Variants in NOL6 observed in about 807,000 individuals in gnomAD.
NOL6 encodes the protein nucleolar protein 6, also known as nucleolar RNA-associated protein.
NOL6 carries 33 observed loss-of-function variants against 131.7 expected under a neutral mutation model. The observed-to-expected ratio is 0.25, with a 90% CI of 0.19 to 0.33. The LOEUF is 0.33. Ranked by LOEUF, NOL6 falls within the 10% of genes least tolerant of loss-of-function variation. The pLI is 1.00. For synonymous variants in NOL6, 580 were observed against 605.7 expected, an observed-to-expected ratio of 0.96 and a Z score of 0.62; for missense variants, 1,297 against 1,494.5, an observed-to-expected ratio of 0.87 and a Z score of 2.18.
rs750370057 is a variant in NOL6, at chr9:33,462,731, T to C, written c.3374A>G (p.Asp1125Gly). ...MVPNVEAILE[D>G]FAVLGEGLVQ... The stretch of plus-strand genomic sequence containing the variant: ...CAGGCCTTCACCCAGCACAGCAAAG[T>C]CCTCCAGGATTGCTTCAACATTGGG... The change falls in exon 26 of 26, where the codon GAC becomes GGC. Residue 1125 changes from aspartate to glycine, a missense_variant. By Grantham distance (94) the Asp-to-Gly change is moderately conservative. Coordinates refer to ENST00000297990, the MANE Select transcript of NOL6 (RefSeq NM_022917.5). 10 of 1,613,916 alleles carry C rather than the reference T, an allele frequency of 6.2e-6. No individual in the cohort carries two copies. The highest frequency in any genetic ancestry group is 1.6e-4 in the Middle Eastern group (1 of 6,062).
chr9:33,471,262 TCAAAAA>T (rs754150050), intron 3 of NOL6, among the ~76,000 whole-genome samples: 8 of 152,224 alleles, frequency 5.3e-5, no homozygotes, highest in African/African-American at 1.4e-4. Context: ...AGACTTCGTC[TCAAAAA>T]CAAAAACAAA....
rs753675613 is a variant in NOL6, at chr9:33,468,214, CT to C, written c.1309-70del. 9.3e-6 allele frequency: 15 copies of C among 1,611,310 alleles called. No homozygotes were observed. In the South Asian group the frequency reaches 1.7e-4, roughly 18 times the overall value. ...AAGGGCTTAGACCAGGAGACATGCC[CT>C]AAACTTAACTCTTTGAAGAGGAGTT... is the stretch of plus-strand genomic sequence containing the variant. On this transcript the variant is annotated intron_variant, in intron 10 of 25. Coordinates refer to ENST00000297990, the MANE Select transcript of NOL6 (RefSeq NM_022917.5).
At chr9:33,463,006 G>A (rs760876062) in intron 25 of NOL6, 27 bp downstream of exon 25, 6 of 1,601,480 alleles carry the variant, frequency 3.7e-6, no homozygotes, top group African/African-American at 2.7e-5. Context: ...ACACACTCAG[G>A]AACACAGCTG....
At chr9:33,463,208 A>C (rs1827144668) in intron 24 of NOL6, 39 bp downstream of exon 24, 1 of 1,609,366 alleles carries the variant, frequency 6.2e-7, no homozygotes, top group Non-Finnish European at 8.5e-7. Flanking sequence ...CTTCACCTGG[A>C]AGTCCCCTCC....
In NOL6 at chr9:33,465,897, C is replaced by A. The variant is rs202071111; in HGVS notation, c.2365G>T (p.Asp789Tyr). The part of the protein sequence containing the change: ...ATATHTDVLK[D>Y]GFVFRIRVAY... ...ACGCGAATCCGAAACACAAATCCAT[C>A]CTGTTGGAAGAAGGTATGGAAAGAG... is the stretch of plus-strand genomic sequence containing the variant. The change falls in exon 19 of 26, where the codon GAT becomes TAT. Residue 789 changes from aspartate (D) to tyrosine (Y), a missense_variant and splice_region_variant. Transcript: ENST00000297990. 4.3e-5 allele frequency: 70 copies of A among 1,613,324 alleles called. No individual in the cohort carries two copies. Among genetic ancestry groups the A allele is most frequent in the Middle Eastern group, 3.3e-4 (2 of 6,056 alleles).
At position 33,465,844 on chromosome 9, in the gene NOL6, C is replaced by T; in HGVS notation, c.2418G>A (p.Leu806=). The part of the protein sequence containing the change: ...RVAYQREPQI[L]KEVQSPEGMI... ...TCCCCTCTGGGCTCTGCACCTCCTT[C>T]AGGATCTGGGGCTCCCGCTGATAGG... is the stretch of plus-strand genomic sequence containing the variant. Residue 806 remains leucine, a synonymous_variant, in exon 19 of 26, where the codon CTG becomes CTA. Coordinates refer to ENST00000297990, the MANE Select transcript of NOL6 (RefSeq NM_022917.5). 1.2e-6 allele frequency: 2 copies of T among 1,614,150 alleles called. No individual in the cohort carries two copies. Among genetic ancestry groups the T allele is most frequent in the Non-Finnish European group, 1.7e-6 (2 of 1,180,008 alleles).
In NOL6 at chr9:33,469,581, G is replaced by A; in HGVS notation, c.645C>T (p.Ala215=). 1 of 1,610,836 alleles carries A rather than the reference G, an allele frequency of 6.2e-7. No individual in the cohort carries two copies. The change falls in exon 5 of 26, where the codon GCC becomes GCT. Residue 215 remains alanine (A), a synonymous_variant. Coordinates refer to ENST00000297990, the MANE Select transcript of NOL6 (RefSeq NM_022917.5). Reference sequence around the variant, plus strand: ...AAACACTGCCAAAGAGGGGGTCCTGGGCCAGGTGGTGAGCCAAGTGGGCCA... The same window carrying A: ...AAACACTGCCAAAGAGGGGGTCCTGAGCCAGGTGGTGAGCCAAGTGGGCCA... The part of the protein sequence containing the change: ...LYLAHLAHHL[A]QDPLFGSVCF...
At position 33,461,728 on chromosome 9, in the gene NOL6, TTA is replaced by T. The variant is rs1827098781; in HGVS notation, c.*934_*935del. 5.8e-6 allele frequency: 1 copy of T among 171,808 alleles called. No homozygotes were observed. The highest frequency in any genetic ancestry group is 2.4e-5 in the African/African-American group (1 of 42,380). The allele number at this position is 171,808 out of a possible 1,614,324, so 10.6% of individuals were successfully genotyped here. A position where few individuals can be genotyped will look rare whatever the true frequency, so the allele number is the denominator to read the frequency against. On this transcript the variant is annotated 3_prime_UTR_variant, in exon 26 of 26. Transcript: ENST00000297990. Reference sequence around the variant, plus strand: ...CTCAGGCTGGGGGCGAGGGATGGGCTTAAGGAGGGGCACTATTTGAGCTGAGT... The same window carrying T: ...CTCAGGCTGGGGGCGAGGGATGGGCTAGGAGGGGCACTATTTGAGCTGAGT...
chr9:33,470,316 A>C, intron 3 of NOL6, 125 bp from the exon 4 acceptor site: 1 of 846,716 alleles, frequency 1.2e-6, no homozygotes, highest in African/African-American at 1.8e-5. Flanking sequence ...TCCCATAACT[A>C]TGTCTTCCTT....
At position 33,468,999 on chromosome 9, in the gene NOL6, C is replaced by T. The variant is rs1563879954; in HGVS notation, c.985G>A (p.Ala329Thr). The T allele has an allele frequency of 1.2e-6, 2 of 1,614,200 alleles. No homozygotes were observed. Among genetic ancestry groups the T allele is most frequent in the Non-Finnish European group, 1.7e-6 (2 of 1,180,034 alleles). Reference protein sequence around the residue: ...SSAQGLKDGVALLKVWLRQRE... With the variant: ...SSAQGLKDGVTLLKVWLRQRE... ...TGCCGCAGCCAGACCTTCAGAAGTG[C>T]CACGCCATCCTTCAGGCCCTGGGCT... The change falls in exon 7 of 26, where the codon GCA (alanine) becomes ACA (threonine). Residue 329 changes from alanine to threonine, a missense_variant. Physicochemically the swap from Ala to Thr is moderately conservative, Grantham distance 58. Transcript: ENST00000297990.
At position 33,468,306 on chromosome 9, in the gene NOL6, G is replaced by T; in HGVS notation, c.1308+15C>A. The T allele has an allele frequency of 6.2e-7, 1 of 1,612,690 alleles. No individual in the cohort carries two copies. ...TGAGACATCAGGGGAACACAGATTG[G>T]GGGCCCATTGGTACCTGGTGGTAAG... On this transcript the variant is annotated intron_variant, in intron 10 of 25. Coordinates refer to ENST00000297990, the MANE Select transcript of NOL6 (RefSeq NM_022917.5).
chr9:33,463,292 G>A lies in NOL6; in HGVS notation c.3144C>T (p.Pro1048=), dbSNP rs115948946. ...LSQPGPSSLM[P]VLGYDPPQLY... ...GCTGAGGAGGATCATAGCCCAGCAC[G>A]GGCATCAGGGATGAGGGCCCCGGCT... is the stretch of plus-strand genomic sequence containing the variant. The change falls in exon 24 of 26, where the codon CCC becomes CCT. Residue 1048 remains proline (P), a synonymous_variant. Transcript: ENST00000297990. 59 of 1,614,114 alleles carry A rather than the reference G, an allele frequency of 3.7e-5. No homozygotes were observed. In the East Asian group the frequency reaches 5.8e-4, roughly 16 times the overall value.
Position 33,464,982 on chromosome 9 carries a change from G to C in NOL6, c.2682-6C>G. 1 of 1,609,764 alleles carries C rather than the reference G, an allele frequency of 6.2e-7. No homozygotes were observed. Among genetic ancestry groups the C allele is most frequent in the Non-Finnish European group, 8.5e-7 (1 of 1,176,284 alleles). Reference sequence around the variant, plus strand: ...GGAAGCCAACCTGGGGGGAACTAAAGGGCTGGAGTAAGCAAAGAATCCAGG... The same window carrying C: ...GGAAGCCAACCTGGGGGGAACTAAACGGCTGGAGTAAGCAAAGAATCCAGG... On this transcript the variant is annotated splice_polypyrimidine_tract_variant and splice_region_variant and intron_variant, in intron 20 of 25. Coordinates refer to ENST00000297990, the MANE Select transcript of NOL6 (RefSeq NM_022917.5).
Position 33,468,580 on chromosome 9 carries a change from CA to C in NOL6, c.1148-15del. 1 of 1,613,942 alleles carries C rather than the reference CA, an allele frequency of 6.2e-7. No homozygotes were observed. The highest frequency in any genetic ancestry group is 1.3e-5 in the African/African-American group (1 of 75,036). ...GGTCTGTAGTGGCTGAAGTGAATCACAAGTGTATTAGAAGGTATCCCCTTCT... is the reference window on the plus strand; with the variant it reads ...GGTCTGTAGTGGCTGAAGTGAATCACAGTGTATTAGAAGGTATCCCCTTCT... On this transcript the variant is annotated splice_polypyrimidine_tract_variant and intron_variant, in intron 8 of 25. Transcript: ENST00000297990.
chr9:33,472,306 T>C lies in NOL6; in HGVS notation c.161A>G (p.Lys54Arg). 6.2e-7 allele frequency: 1 copy of C among 1,614,212 alleles called. No individual in the cohort carries two copies. Among genetic ancestry groups the C allele is most frequent in the South Asian group, 1.1e-5 (1 of 91,088 alleles). ...CTTGTACAGTTCTGCCCTGCTGAGC[T>C]TCACTGGCTGCAGGAGGCCCTTCGC... ...PPAKGLLQPV[K>R]LSRAELYKEP... Residue 54 changes from lysine (K) to arginine (R), a missense_variant, in exon 2 of 26, where the codon AAG becomes AGG. Coordinates refer to ENST00000297990, the MANE Select transcript of NOL6 (RefSeq NM_022917.5).
At chr9:33,472,536 T>G (rs1827442204) in intron 1 of NOL6, 124 bp from the exon 2 acceptor site, 4 of 748,778 alleles carry the variant, frequency 5.3e-6, no homozygotes, top group Non-Finnish European at 8.9e-6. Flanking sequence ...TGAGTAGGAG[T>G]CAGATTTTGT....
Position 33,472,130 on chromosome 9 carries a change from A to C in NOL6, c.262-10T>G. On this transcript the variant is annotated splice_polypyrimidine_tract_variant and intron_variant, in intron 2 of 25. Coordinates refer to ENST00000297990, the MANE Select transcript of NOL6 (RefSeq NM_022917.5). Reference sequence around the variant, plus strand: ...TTAGTAGCTCCTCTACCTGTAAGAGAGGGTAGAAGACAGTCCATCAGCCTC... The same window carrying C: ...TTAGTAGCTCCTCTACCTGTAAGAGCGGGTAGAAGACAGTCCATCAGCCTC... The C allele has an allele frequency of 1.9e-6, 3 of 1,612,286 alleles. No individual in the cohort carries two copies. Among genetic ancestry groups the C allele is most frequent in the Non-Finnish European group, 2.5e-6 (3 of 1,178,334 alleles).
In NOL6 at chr9:33,463,150, A is replaced by G. The variant is rs2989939; in HGVS notation, c.3190-16T>C. ...CAAAGGCCTCCTAGAAAGGGACAGA[A>G]CAGAGAAGATTATAGGCAGGCATTT... On this transcript the variant is annotated splice_polypyrimidine_tract_variant and intron_variant, in intron 24 of 25. Coordinates refer to ENST00000297990, the MANE Select transcript of NOL6 (RefSeq NM_022917.5). 7,031 of 1,611,114 alleles carry G rather than the reference A, an allele frequency of 4.4e-3. 253 individuals carry two copies. The African/African-American group carries it at 0.082, about 19-fold the overall frequency.
Position 33,467,415 on chromosome 9 carries a change from A to T in NOL6, c.1704T>A (p.Gly568=). The T allele has an allele frequency of 6.2e-7, 1 of 1,614,120 alleles. No homozygotes were observed. Among genetic ancestry groups the T allele is most frequent in the South Asian group, 1.1e-5 (1 of 91,072 alleles). ...CCACCTCAGGCTGGTCTGCCTCTGG[A>T]CCCAGCTCAAGGACGCTGGTCAGTC... The part of the protein sequence containing the change: ...PEGLTSVLEL[G]PEADQPEAAK... The change falls in exon 13 of 26, where the codon GGT becomes GGA. Residue 568 remains glycine, a synonymous_variant. Transcript: ENST00000297990. The surrounding 1 kb of genome is among the most constrained non-coding windows in gnomAD (Gnocchi z 4.4).
Sources: gnomAD v4.1 joint callset for allele counts (sites outside exome capture counted in the v4.1 genomes callset) on GRCh38, gnomAD v4.1.1 for gene constraint, Gnocchi (gnomAD v3.1) non-coding constraint, MANE v1.5 for transcripts, NCBI Gene and HGNC (gene_info 2026-07-23, HGNC 2026-07-21) for gene names.